The following MICAL3 variants were observed in gnomAD, a reference collection of about 807,000 sequenced individuals.
MICAL3 encodes the protein microtubule associated monooxygenase, calponin and LIM domain containing 3.
MICAL3 carries 62 observed loss-of-function variants against 207.4 expected under a neutral mutation model. That is an observed-to-expected ratio of 0.30 (90% CI 0.24 to 0.37). The LOEUF is 0.37. Among genes scored for constraint, MICAL3 ranks in the 10% least tolerant of loss-of-function variants. MICAL3 has a pLI of 1.00. For missense variants in MICAL3, 2,368 were observed against 2,635.6 expected (o/e 0.90, Z 2.22); for synonymous variants, 1,077 against 1,069.3 (o/e 1.01, Z -0.14).
chr22:17,881,110 G>T, intron 16 of MICAL3: 1 of 1,042,548 alleles, frequency 9.6e-7, no homozygotes, highest in Non-Finnish European at 1.5e-6. Context: ...AGTTATTGCT[G>T]GTAAGAGGGA....
chr22:17,862,970 G>A lies in MICAL3; in HGVS notation c.2605+1929C>T, dbSNP rs1340809973. 15 of 985,244 alleles carry A rather than the reference G, an allele frequency of 1.5e-5. No individual in the cohort carries two copies. In the Admixed American group the frequency reaches 1.8e-4, roughly 12 times the overall value. 61.0% of individuals were successfully genotyped at this position (985,244 alleles called of 1,614,324 possible). On this transcript the variant is annotated intron_variant, in intron 19 of 31. Transcript: ENST00000441493. ...CTTCTGGCTCAGAATCAAGAACCAC[G>A]CGGACAGAGACGTCCTCAGGGCTCT...
chr22:17,888,078 A>G lies in MICAL3; in HGVS notation c.1892-643T>C, dbSNP rs767266263. ...ACAGCAATTTTTAAAATAGTCATTA[A>G]TTCATAGTAAATCACTAACATTTAT... On this transcript the variant is annotated intron_variant, in intron 13 of 31. Transcript: ENST00000441493. Among the ~76,000 whole-genome samples the G allele has an allele frequency of 1.6e-4, 25 of 152,346 alleles. 1 individual carries two copies. Among genetic ancestry groups the G allele is most frequent in the African/African-American group, 5.5e-4 (23 of 41,582 alleles).
intron 29 of MICAL3, among the ~76,000 whole-genome samples, chr22:17,802,267 C>T (rs1351292576): frequency 6.6e-6 from 1 of 152,066 alleles, no homozygotes; most frequent in Non-Finnish European, 1.5e-5. Flanking sequence ...GTTTCACCAT[C>T]TTGCCCAGGC....
chr22:17,953,929 TCAAAAAAAAAAAAAAA>T, intron 1 of MICAL3, among the ~76,000 whole-genome samples: 1 of 27,528 alleles, frequency 3.6e-5, no homozygotes, highest in Non-Finnish European at 6.5e-5. Flanking sequence ...AGACTCCATC[TCAAAAAAAAAAAAAAA>T]AAAAAAAAAA....
At chr22:17,994,530 C>T (rs1185845497) in intron 1 of MICAL3, among the ~76,000 whole-genome samples, 1 of 152,136 alleles carries the variant, frequency 6.6e-6, no homozygotes, top group African/African-American at 2.4e-5. Flanking sequence ...CTGGGCAACA[C>T]AGAGAGAGCT....
Position 17,818,284 on chromosome 22 carries a change from C to T in MICAL3, c.4377G>A (p.Pro1459=), listed in dbSNP as rs755371150. ...DSAMLTPPSS[P]PPPPPPGEEP... The stretch of plus-strand genomic sequence containing the variant: ...CCTCGCCCGGGGGTGGCGGTGGGGG[C>T]GGGCTGGAGGGGGGCGTGAGCATGG... Residue 1459 remains proline, a synonymous_variant, in exon 26 of 32, where the codon CCG becomes CCA. Transcript: ENST00000441493. The T allele has an allele frequency of 3.2e-4, 78 of 245,918 alleles. No homozygotes were observed. Among genetic ancestry groups the T allele is most frequent in the African/African-American group, 1.3e-3 (33 of 25,432 alleles). The allele number at this position is 245,918 out of a possible 1,614,324, so 15.2% of individuals were successfully genotyped here. A position where few individuals can be genotyped will look rare whatever the true frequency, so the allele number is the denominator to read the frequency against.
chr22:17,999,205 G>A (rs963611018), intron 1 of MICAL3, among the ~76,000 whole-genome samples: 2 of 152,204 alleles, frequency 1.3e-5, no homozygotes, highest in Non-Finnish European at 2.9e-5. Context: ...GCAGGAAAGG[G>A]TCCCCTTTGA....
chr22:17,993,564 G>A (rs1039647052), intron 1 of MICAL3, among the ~76,000 whole-genome samples: 9 of 152,054 alleles, frequency 5.9e-5, no homozygotes, highest in African/African-American at 2.2e-4. Flanking sequence ...CAGGAGCAGG[G>A]CAGCCCTCAG....
chr22:17,904,800 C>T lies in MICAL3; in HGVS notation c.304G>A (p.Ala102Thr). The change falls in exon 3 of 32, where the codon GCC (alanine) becomes ACC (threonine). Residue 102 changes from alanine to threonine, a missense_variant. This residue lies in a region of MICAL3 where 400 missense variants were observed against 547.0 expected (regional missense o/e 0.73). Coordinates refer to ENST00000441493, the MANE Select transcript of MICAL3 (RefSeq NM_015241.3). ...GCCCCCAGTAAGGATAAGTCGATGG[C>T]TGTACGGAGACCACAGGGGCCAGCC... ...IGAGPCGLRT[A>T]IDLSLLGAKV... 1 of 1,614,034 alleles carries T rather than the reference C, an allele frequency of 6.2e-7. No individual in the cohort carries two copies.
chr22:17,830,887 A>G (rs975080309), intron 21 of MICAL3, among the ~76,000 whole-genome samples: 1 of 152,246 alleles, frequency 6.6e-6, no homozygotes, highest in Non-Finnish European at 1.5e-5. Context: ...GGAGCTGCAC[A>G]GCTCCCAGGG....
intron 16 of MICAL3, among the ~76,000 whole-genome samples, chr22:17,877,311 G>A: frequency 1.6e-5 from 2 of 124,334 alleles, no homozygotes; most frequent in Admixed American, 7.7e-5. Context: ...GGTTATGGAG[G>A]TTAGGGAGGT....
In MICAL3 at chr22:18,024,515, G is replaced by T. The variant is rs925962887; in HGVS notation, c.-309C>A. On this transcript the variant is annotated 5_prime_UTR_variant, in exon 1 of 32. Transcript: ENST00000441493. Reference sequence around the variant, plus strand: ...CTGCCCCGGGTGCCTGCCTACGCGGGCGCTCCCCGCCGGGACTCCGCCGGG... The same window carrying T: ...CTGCCCCGGGTGCCTGCCTACGCGGTCGCTCCCCGCCGGGACTCCGCCGGG... The T allele has an allele frequency of 6.6e-6, 1 of 151,990 alleles. No homozygotes were observed. Among genetic ancestry groups the T allele is most frequent in the Middle Eastern group, 3.4e-3 (1 of 292 alleles). The allele number at this position is 151,990 out of a possible 1,614,324, so 9.4% of individuals were successfully genotyped here.
At chr22:17,866,381 G>A (rs1211298290) in intron 17 of MICAL3, among the ~76,000 whole-genome samples, 1 of 152,196 alleles carries the variant, frequency 6.6e-6, no homozygotes, top group Non-Finnish European at 1.5e-5. Context: ...GCATTGCTGG[G>A]GAAACCAAGA....
chr22:17,875,683 A>T lies in MICAL3; in HGVS notation c.2242-3660T>A, dbSNP rs9618151. The T allele has an allele frequency of 0.027, 1,711 of 62,514 alleles. 3 individuals carry two copies. The highest frequency in any genetic ancestry group is 0.11 in the South Asian group (524 of 4,668). 3.9% of individuals were successfully genotyped at this position (62,514 alleles called of 1,614,324 possible). A position where few individuals can be genotyped will look rare whatever the true frequency, so the allele number is the denominator to read the frequency against. ...CCTTTATCTAAATACCATGTATAGT[A>T]AAAAAAAAAAAAAAAAAAAAGTAGC... is the stretch of plus-strand genomic sequence containing the variant. On this transcript the variant is annotated intron_variant, in intron 16 of 31. Coordinates refer to ENST00000441493, the MANE Select transcript of MICAL3 (RefSeq NM_015241.3).
chr22:17,890,665 G>A (rs533551253), intron 12 of MICAL3, among the ~76,000 whole-genome samples: 1 of 152,168 alleles, frequency 6.6e-6, no homozygotes, highest in Non-Finnish European at 1.5e-5. Context: ...CATATAAATA[G>A]CAACTATATC....
intron 17 of MICAL3, among the ~76,000 whole-genome samples, chr22:17,870,559 G>A (rs1048862427): frequency 1.3e-5 from 2 of 152,160 alleles, no homozygotes; most frequent in African/African-American, 2.4e-5. Context: ...TGCACCTTGC[G>A]ACATCTTCTT....
At chr22:17,966,272 A>G (rs7291169) in intron 1 of MICAL3, among the ~76,000 whole-genome samples, 30,431 of 151,994 alleles carry the variant, frequency 0.2, 3,201 homozygotes, top group Middle Eastern at 0.27. Flanking sequence ...GTGGCCCCAC[A>G]GCCTGTGGGC....
chr22:17,923,762 T>C (rs999304274), intron 1 of MICAL3, among the ~76,000 whole-genome samples: 11 of 152,374 alleles, frequency 7.2e-5, no homozygotes, highest in African/African-American at 2.6e-4. Context: ...TAAGGGATAT[T>C]AGAAAGTGTT....
intron 16 of MICAL3, among the ~76,000 whole-genome samples, chr22:17,878,727 C>T (rs1929130596): frequency 6.6e-6 from 1 of 152,190 alleles, no homozygotes; most frequent in South Asian, 2.1e-4. Context: ...TTTAACTGGG[C>T]ATCTCGGCTA....
Sources: allele counts gnomAD v4.1 joint callset (sites outside exome capture counted in the v4.1 genomes callset), GRCh38; gene constraint gnomAD v4.1.1; regional missense constraint gnomAD v4.1.1; transcripts MANE v1.5; gene names NCBI Gene and HGNC (gene_info 2026-07-23, HGNC 2026-07-21).